GRIA3: variants seen among roughly 807,000 people sequenced by gnomAD.
GRIA3 encodes glutamate receptor 3.
A neutral mutation model predicts 63.0 loss-of-function variants in GRIA3; 3 were observed. That is an observed-to-expected ratio of 0.05 (90% confidence interval 0.02 to 0.12). The LOEUF (loss-of-function observed/expected upper bound fraction) is 0.12, where lower values mean the gene tolerates loss of function less well. Among genes scored for constraint, GRIA3 ranks in the 10% least tolerant of loss-of-function variants. GRIA3 has a pLI of 1.00. For missense variants in GRIA3, 347 were observed against 700.9 expected, an observed-to-expected ratio of 0.50 and a Z score of 5.70; for synonymous variants, 274 against 257.9, an observed-to-expected ratio of 1.06 and a Z score of -0.60.
At chrX:123,394,647 C>T (rs956577791) in intron 5 of GRIA3, among the ~76,000 whole-genome samples, 1 of 112,023 alleles carries the variant, frequency 8.9e-6, no homozygotes, top group Non-Finnish European at 1.9e-5. Context: ...TGTATTTGTA[C>T]GCAATGAAGA....
chrX:123,259,276 T>C (rs370459060), intron 3 of GRIA3, among the ~76,000 whole-genome samples: 7 of 111,642 alleles, frequency 6.3e-5, no homozygotes, highest in African/African-American at 2.3e-4. Flanking sequence ...TGAACTCTAC[T>C]GAGAGACAAG....
Position 123,378,212 on chromosome X carries a change from CTT to C in GRIA3, c.751-16755_751-16754del, listed in dbSNP as rs763074638. The stretch of plus-strand genomic sequence containing the variant: ...GAAAAACAGCACGTGCATTACAAAA[CTT>C]AATTCAGATGGAAGGTGGTCCAGAT... On this transcript the variant is annotated intron_variant, in intron 5 of 15. Transcript: ENST00000620443. 2.3e-3 allele frequency among the ~76,000 whole-genome samples: 255 copies of C among 111,647 alleles called. 2 individuals are homozygous for C. The highest frequency in any genetic ancestry group is 7.8e-3 in the African/African-American group (241 of 30,740).
intron 15 of GRIA3, among the ~76,000 whole-genome samples, chrX:123,483,583 G>A (rs2045924008): frequency 8.9e-6 from 1 of 112,244 alleles, no homozygotes; most frequent in South Asian, 3.7e-4. Flanking sequence ...CACATGGCCA[G>A]TGGTTATTGT....
chrX:123,188,375 G>A (rs976348896), intron 2 of GRIA3, among the ~76,000 whole-genome samples: 1 of 111,308 alleles, frequency 9.0e-6, no homozygotes, highest in Non-Finnish European at 1.9e-5. Context: ...TATTTCAAGG[G>A]ACCAAAGAAG....
At chrX:123,483,097 T>A in intron 15 of GRIA3, 51 bp downstream of exon 15, 1 of 992,653 alleles carries the variant, frequency 1.0e-6, no homozygotes, top group Non-Finnish European at 1.4e-6. Context: ...TGTATGTCAA[T>A]CTCTTTTTTT....
At chrX:123,242,552 T>C (rs1055640847) in intron 2 of GRIA3, among the ~76,000 whole-genome samples, 4 of 112,320 alleles carry the variant, frequency 3.6e-5, no homozygotes, top group Non-Finnish European at 7.5e-5. Flanking sequence ...TTTAGATGAT[T>C]GATGGAGATA....
chrX:123,474,391 A>T (rs1431422478), intron 13 of GRIA3, among the ~76,000 whole-genome samples: 1 of 112,327 alleles, frequency 8.9e-6, no homozygotes, highest in Non-Finnish European at 1.9e-5. Flanking sequence ...TTTTTAAAAA[A>T]ATTAAGTTTT....
chrX:123,336,900 G>C (rs2044977874), intron 4 of GRIA3, among the ~76,000 whole-genome samples: 2 of 111,711 alleles, frequency 1.8e-5, no homozygotes, highest in African/African-American at 6.5e-5. Flanking sequence ...GGTATTCTAA[G>C]ATCCTCAGAG....
In GRIA3 at chrX:123,204,396, C is replaced by A. The variant is rs201780690; in HGVS notation, c.268+18406C>A. 1,508 of 1,153,062 alleles carry A rather than the reference C, an allele frequency of 1.3e-3. 18 individuals are homozygous for A. In the South Asian group the frequency reaches 0.027, roughly 21 times the overall value. ...TGAACAATATTTTACCTTTCCTGTT[C>A]AAGGCGTTACAGGTGAACTGTAAGA... is the stretch of plus-strand genomic sequence containing the variant. On this transcript the variant is annotated intron_variant, in intron 2 of 15. Coordinates refer to ENST00000620443, the MANE Select transcript of GRIA3 (RefSeq NM_007325.5).
rs113113624 is a variant in GRIA3 at position 123,360,855 on chromosome X, T to A, written c.750+5892T>A. The stretch of plus-strand genomic sequence containing the variant: ...CCTCCTCTCTCTCTCTCTCTCTCTC[T>A]CACACACACACACACACACACACAC... On this transcript the variant is annotated intron_variant, in intron 5 of 15. Coordinates refer to ENST00000620443, the MANE Select transcript of GRIA3 (RefSeq NM_007325.5). 4.9e-4 allele frequency among the ~76,000 whole-genome samples: 23 copies of A among 46,514 alleles called. 1 individual carries two copies. Among genetic ancestry groups the A allele is most frequent in the African/African-American group, 1.8e-3 (22 of 12,360 alleles). The allele number at this position is 46,514 out of a possible 115,157, so 40.4% of individuals were successfully genotyped here. A position where few individuals can be genotyped will look rare whatever the true frequency, so the allele number is the denominator to read the frequency against.
chrX:123,208,296 C>T (rs1927947198), intron 2 of GRIA3, among the ~76,000 whole-genome samples: 1 of 112,159 alleles, frequency 8.9e-6, no homozygotes, highest in Admixed American at 9.4e-5. Flanking sequence ...AGCCAGTTGT[C>T]CTGGGTTCCA....
chrX:123,463,572 AAGGAAGGGAGGGAGGGAGGGAGGG>A (rs2045806492), intron 12 of GRIA3, among the ~76,000 whole-genome samples: 1 of 31,450 alleles, frequency 3.2e-5, no homozygotes, highest in Non-Finnish European at 5.0e-5. Flanking sequence ...GGAAGGAAGG[AAGGAAGGGAGGGAGGGAGGGAGGG>A]AGGGAGGGAG....
chrX:123,291,403 G>A (rs768801388), intron 3 of GRIA3, among the ~76,000 whole-genome samples: 6 of 110,599 alleles, frequency 5.4e-5, no homozygotes, highest in Middle Eastern at 4.6e-3. Flanking sequence ...AACAGACACC[G>A]GGAACTACTA....
At chrX:123,323,783 G>A (rs2044883498) in intron 3 of GRIA3, among the ~76,000 whole-genome samples, 1 of 112,206 alleles carries the variant, frequency 8.9e-6, no homozygotes, top group South Asian at 3.7e-4. Flanking sequence ...CTTGATACAC[G>A]GATGGTGAGT....
rs562345380 is a variant in GRIA3, at chrX:123,416,707, G to A, written c.1501-695G>A. 2.7e-4 allele frequency among the ~76,000 whole-genome samples: 30 copies of A among 112,744 alleles called. No individual in the cohort carries two copies. The South Asian group carries it at 0.011, about 40-fold the overall frequency. On this transcript the variant is annotated intron_variant, in intron 10 of 15. Coordinates refer to ENST00000620443, the MANE Select transcript of GRIA3 (RefSeq NM_007325.5). ...GTGTTCTGACAACTGTTTTACCCTTGTTATTGCCCAGGCAAAATTCTTTCA... is the reference window on the plus strand; with the variant it reads ...GTGTTCTGACAACTGTTTTACCCTTATTATTGCCCAGGCAAAATTCTTTCA...
intron 3 of GRIA3, among the ~76,000 whole-genome samples, chrX:123,265,201 T>G (rs2044481227): frequency 8.9e-6 from 1 of 111,884 alleles, no homozygotes; most frequent in African/African-American, 3.2e-5. Context: ...ATTCTAAAAT[T>G]CTGTGGGCTA....
At chrX:123,296,050 T>C (rs776511393) in intron 3 of GRIA3, among the ~76,000 whole-genome samples, 2 of 111,747 alleles carry the variant, frequency 1.8e-5, no homozygotes, top group South Asian at 7.4e-4. Context: ...AATTTTTTAT[T>C]TCAATGTGTG....
intron 5 of GRIA3, among the ~76,000 whole-genome samples, chrX:123,389,342 T>A (rs2045371303): frequency 8.9e-6 from 1 of 112,194 alleles, no homozygotes; most frequent in African/African-American, 3.2e-5. Context: ...ATTTTCGTAC[T>A]GGAGTCTATC....
At chrX:123,326,276 C>A in intron 4 of GRIA3, 63 bp downstream of exon 4, 1 of 884,200 alleles carries the variant, frequency 1.1e-6, no homozygotes, top group Non-Finnish European at 1.6e-6. Context: ...AGTCAGCTCC[C>A]ATATCTGCTA....
Sources: gnomAD v4.1 joint callset for allele counts (sites outside exome capture counted in the v4.1 genomes callset) on GRCh38, gnomAD v4.1.1 for gene constraint, MANE v1.5 for transcripts, NCBI Gene and HGNC (gene_info 2026-07-23, HGNC 2026-07-21) for gene names.